The following CCDC74A variants were observed in gnomAD, a reference collection of about 807,000 sequenced individuals.
CCDC74A encodes the protein coiled-coil domain containing 74A, also known as coiled-coil domain-containing protein 74A.
A neutral mutation model predicts 37.6 loss-of-function variants in CCDC74A; 38 were observed. The ratio of observed to expected loss-of-function variants is 1.01; its 90% CI spans 0.78 to 1.33. CCDC74A has a LOEUF of 1.33. CCDC74A is among the 40% of genes most tolerant of loss of function. CCDC74A has a pLI of 0.00. For synonymous variants in CCDC74A, 134 were observed against 165.2 expected, an observed-to-expected ratio of 0.81 and a Z score of 1.45; for missense variants, 340 against 403.4, an observed-to-expected ratio of 0.84 and a Z score of 1.35.
chr2:131,524,470 G>T (rs1680225352), upstream of CCDC74A, among the ~76,000 whole-genome samples: 1 of 152,194 alleles, frequency 6.6e-6, no homozygotes, highest in African/African-American at 2.4e-5. Flanking sequence ...ATACATTTCT[G>T]CAGTAGCTTC....
chr2:131,529,833 C>T, intron 2 of CCDC74A, 142 bp downstream of exon 2: 1 of 1,523,312 alleles, frequency 6.6e-7, no homozygotes, highest in South Asian at 1.3e-5. Flanking sequence ...TGGACAGATG[C>T]CGCTACCTCT....
At chr2:131,524,155 C>T (rs1680218821), upstream of CCDC74A, among the ~76,000 whole-genome samples, 1 of 152,154 alleles carries the variant, frequency 6.6e-6, no homozygotes, top group Non-Finnish European at 1.5e-5. Flanking sequence ...TTGCTGAAGA[C>T]CCATCCGGAT....
chr2:131,530,967 G>A, intron 3 of CCDC74A, 140 bp downstream of exon 3: 6 of 1,314,412 alleles, frequency 4.6e-6, no homozygotes, highest in Non-Finnish European at 6.0e-6. Context: ...CAGCTGAAAA[G>A]AGCCCTGCAA....
At chr2:131,529,111 A>C (rs1680737833) in intron 1 of CCDC74A, 1 of 202,488 alleles carries the variant, frequency 4.9e-6, no homozygotes, top group South Asian at 8.8e-5. Context: ...ATCTTGCTTC[A>C]GGAGGGCTCC....
Position 131,529,012 on chromosome 2 carries a change from C to A in CCDC74A, c.251-635C>A, listed in dbSNP as rs533633752. 2.1e-4 allele frequency among the ~76,000 whole-genome samples: 31 copies of A among 148,040 alleles called. No homozygotes were observed. In the South Asian group the frequency reaches 5.0e-3, roughly 24 times the overall value. On this transcript the variant is annotated intron_variant, in intron 1 of 7. Transcript: ENST00000409856. ...CCCTTAGCTGCTCCTCACCCCCACG[C>A]CCCCCTTTCTCCCTCCCTCCTCCCC...
rs747038015 is a variant in CCDC74A at position 131,532,676 on chromosome 2, C to A, written c.573C>A (p.His191Gln). The change falls in exon 5 of 8, where the codon CAC (histidine) becomes CAA (glutamine). Residue 191 changes from histidine (H) to glutamine (Q), a missense_variant. Physicochemically the swap from His to Gln is conservative, Grantham distance 24 (BLOSUM62 0). Coordinates refer to ENST00000409856, the MANE Select transcript of CCDC74A (RefSeq NM_001258306.3). ...GCAGGCAGATGGGGGCGGGGGCACACCCCCCAATGATCCTGCCCCTTCCCC... is the reference window on the plus strand; with the variant it reads ...GCAGGCAGATGGGGGCGGGGGCACAACCCCCAATGATCCTGCCCCTTCCCC... The part of the protein sequence containing the change: ...HQGRQMGAGA[H>Q]PPMILPLPLR... 10 of 1,612,732 alleles carry A rather than the reference C, an allele frequency of 6.2e-6. No homozygotes were observed. The highest frequency in any genetic ancestry group is 3.3e-5 in the South Asian group (3 of 90,968).
chr2:131,529,566 CAGGAG>C, intron 1 of CCDC74A, 76 bp from the exon 2 acceptor site: 1 of 1,592,480 alleles, frequency 6.3e-7, no homozygotes, highest in Non-Finnish European at 8.6e-7. Context: ...GCTCAGCAGC[CAGGAG>C]AGGACAGGCC....
Position 131,533,524 on chromosome 2 carries a change from T to C in CCDC74A, c.*126T>C, listed in dbSNP as rs149067974. 8.4e-4 allele frequency: 1,104 copies of C among 1,312,632 alleles called. 8 individuals are homozygous for C. The African/African-American group carries it at 0.015, about 18-fold the overall frequency. 81.3% of individuals were successfully genotyped at this position (1,312,632 alleles called of 1,614,324 possible). On this transcript the variant is annotated 3_prime_UTR_variant, in exon 8 of 8. Coordinates refer to ENST00000409856, the MANE Select transcript of CCDC74A (RefSeq NM_001258306.3). ...ATTCCAAGACAGATAACACTCAAGA[T>C]AGATAAAGTACTTGATCTCCAAACT...
At position 131,533,172 on chromosome 2, in the gene CCDC74A, G is replaced by A; in HGVS notation, c.810-97G>A. The A allele has an allele frequency of 2.5e-6, 4 of 1,607,922 alleles. No individual in the cohort carries two copies. The South Asian group carries it at 3.3e-5, about 13-fold the overall frequency. On this transcript the variant is annotated intron_variant, in intron 7 of 7. Transcript: ENST00000409856. ...GCAGCGCAGAAGCAGAGCTCGCTGA[G>A]GCCTCTCTGTGCCCCCGTGAGGGCC...
Position 131,533,291 on chromosome 2 carries a change from C to T in CCDC74A, c.832C>T (p.Arg278Cys), listed in dbSNP as rs760456263. 2.7e-5 allele frequency: 44 copies of T among 1,612,946 alleles called. No homozygotes were observed. The highest frequency in any genetic ancestry group is 3.4e-4 in the Middle Eastern group (2 of 5,822). The change falls in exon 8 of 8, where the codon CGT becomes TGT. Residue 278 changes from arginine (R) to cysteine (C), a missense_variant. Arg to Cys is a radical substitution (Grantham distance 180, BLOSUM62 -3). Transcript: ENST00000409856. ...CAGCCTGAGCCCACCTGTGGCGGAG[C>T]GTGCCATCCTGCCCGCACTGAAGCA... ...KKCLSPPVAE[R>C]AILPALKQTP...
At chr2:131,525,817 C>A (rs1209127793), upstream of CCDC74A, among the ~76,000 whole-genome samples, 11 of 142,654 alleles carry the variant, frequency 7.7e-5, no homozygotes, top group Admixed American at 8.2e-4. Context: ...CTCCCGGGTT[C>A]ACGCCATTCT....
In CCDC74A at chr2:131,528,034, C is replaced by T; in HGVS notation, c.64C>T (p.Arg22Cys). Reference protein sequence around the residue: ...PPSSPTPGSRRRRQRPSVGVQ... With the variant: ...PPSSPTPGSRCRRQRPSVGVQ... ...CAGCTCGCCGACCCCGGGCTCTCGG[C>T]GCCGGCGCCAGCGCCCCTCTGTGGG... The change falls in exon 1 of 8, where the codon CGC becomes TGC. Residue 22 changes from arginine to cysteine, a missense_variant. Arg to Cys is a radical substitution (Grantham distance 180, BLOSUM62 -3). Around this residue, in one of 3 missense-constraint regions of CCDC74A, gnomAD observed 154 missense variants for 153.9 expected, o/e 1.00. Transcript: ENST00000409856. 6.6e-7 allele frequency: 1 copy of T among 1,504,386 alleles called. No homozygotes were observed. 93.2% of individuals were successfully genotyped at this position (1,504,386 alleles called of 1,614,324 possible).
chr2:131,528,652 T>C (rs1680632265), intron 1 of CCDC74A: 1 of 557,816 alleles, frequency 1.8e-6, no homozygotes, highest in Admixed American at 2.7e-5. Context: ...CTACTAAAAA[T>C]ACAAAACAAT....
chr2:131,527,171 G>A (rs1364272149), upstream of CCDC74A, among the ~76,000 whole-genome samples: 1 of 151,578 alleles, frequency 6.6e-6, no homozygotes, highest in Non-Finnish European at 1.5e-5. Flanking sequence ...GTGCAATGGC[G>A]CGATCTTGGC....
At chr2:131,527,506 T>G (rs947901026), upstream of CCDC74A, among the ~76,000 whole-genome samples, 4 of 151,986 alleles carry the variant, frequency 2.6e-5, no homozygotes, top group Non-Finnish European at 5.9e-5. Flanking sequence ...ATGCCTTTTA[T>G]TATTATTTTT....
At chr2:131,530,475 G>A in intron 2 of CCDC74A, 1 of 1,553,158 alleles carries the variant, frequency 6.4e-7, no homozygotes, top group East Asian at 2.4e-5. Context: ...CAAGTCGGCA[G>A]CCCCAGCCCT....
At chr2:131,525,557 T>C (rs750966730), upstream of CCDC74A, among the ~76,000 whole-genome samples, 3 of 152,194 alleles carry the variant, frequency 2.0e-5, no homozygotes, top group Non-Finnish European at 2.9e-5. Context: ...CATTTTCTTT[T>C]AGTTTTTTGA....
upstream of CCDC74A, among the ~76,000 whole-genome samples, chr2:131,527,331 T>A (rs935092963): frequency 1.3e-5 from 2 of 151,854 alleles, no homozygotes; most frequent in Non-Finnish European, 2.9e-5. Context: ...AGTGGTGCCA[T>A]CATAGCTCAC....
Position 131,529,702 on chromosome 2 carries a change from G to C in CCDC74A, c.295+11G>C. On this transcript the variant is annotated intron_variant, in intron 2 of 7. Coordinates refer to ENST00000409856, the MANE Select transcript of CCDC74A (RefSeq NM_001258306.3). ...CATCACAGAAGAAAGGTGAGAACTG[G>C]GCCCTTCAGTGACTGATGGGATGCT... The C allele has an allele frequency of 6.2e-7, 1 of 1,613,638 alleles. No individual in the cohort carries two copies.
Sources: allele counts gnomAD v4.1 joint callset (sites outside exome capture counted in the v4.1 genomes callset), GRCh38; gene constraint gnomAD v4.1.1; regional missense constraint gnomAD v4.1.1; transcripts MANE v1.5; gene names NCBI Gene and HGNC (gene_info 2026-07-23, HGNC 2026-07-21).